RHOA: variants seen among roughly 807,000 people sequenced by gnomAD.
RHOA encodes transforming protein RhoA.
In RHOA, 3 loss-of-function variants were observed where a neutral mutation model predicts 17.5. The observed-to-expected ratio is 0.17, with a 90% confidence interval of 0.08 to 0.44. RHOA has a LOEUF of 0.44. RHOA is among the 20% of genes least tolerant of loss of function. The pLI is 0.99. For synonymous variants in RHOA, 98 were observed against 88.4 expected, an observed-to-expected ratio of 1.11 and a Z score of -0.61; for missense variants, 56 against 242.3, an observed-to-expected ratio of 0.23 and a Z score of 5.10.
rs1167928309 is a variant in RHOA at position 49,395,491 on chromosome 3, T to C, written c.-3+16329A>G. Among the ~76,000 whole-genome samples, 3 of 152,086 alleles carry C rather than the reference T, an allele frequency of 2.0e-5. No individual in the cohort carries two copies. The East Asian group carries it at 5.8e-4, about 29-fold the overall frequency. ...TTTGGGAGACTGAGAGGGGTGCAGA[T>C]CACCTGAGGTCAGGAGTTCAAGACC... On this transcript the variant is annotated intron_variant, in intron 1 of 4. Coordinates refer to ENST00000418115, the MANE Select transcript of RHOA (RefSeq NM_001664.4).
At chr3:49,400,055 C>CA (rs1223769980) in intron 1 of RHOA, among the ~76,000 whole-genome samples, 1 of 151,400 alleles carries the variant, frequency 6.6e-6, no homozygotes, top group East Asian at 1.9e-4. Flanking sequence ...ACTAAAAATA[C>CA]AAAAAAATTA....
intron 1 of RHOA, among the ~76,000 whole-genome samples, chr3:49,381,919 C>T (rs946654443): frequency 6.6e-6 from 1 of 151,524 alleles, no homozygotes; most frequent in African/African-American, 2.4e-5. Context: ...AGTGTGGCAA[C>T]TCATGCCTGT....
At chr3:49,366,144 A>AT (rs1308986097) in intron 3 of RHOA, among the ~76,000 whole-genome samples, 4 of 152,324 alleles carry the variant, frequency 2.6e-5, no homozygotes, top group African/African-American at 9.6e-5. Context: ...TAACGAGGGC[A>AT]AAGGCACACA....
chr3:49,389,601 A>G (rs2048461343), intron 1 of RHOA, among the ~76,000 whole-genome samples: 1 of 152,148 alleles, frequency 6.6e-6, no homozygotes, highest in South Asian at 2.1e-4. Context: ...CAGACTCAGG[A>G]GCTCTGTTCT....
At chr3:49,382,678 T>A (rs2048336484) in intron 1 of RHOA, among the ~76,000 whole-genome samples, 1 of 152,076 alleles carries the variant, frequency 6.6e-6, no homozygotes, top group South Asian at 2.1e-4. Flanking sequence ...TCATAAGGCC[T>A]AATCTGCATG....
chr3:49,366,136 AC>A (rs1399399456), intron 3 of RHOA, among the ~76,000 whole-genome samples: 1 of 152,166 alleles, frequency 6.6e-6, no homozygotes, highest in Non-Finnish European at 1.5e-5. Flanking sequence ...ACACTAGATA[AC>A]GAGGGCAAAG....
At chr3:49,390,291 C>T (rs533710581) in intron 1 of RHOA, among the ~76,000 whole-genome samples, 7 of 152,196 alleles carry the variant, frequency 4.6e-5, no homozygotes, top group East Asian at 1.9e-4. Context: ...CCCGCCACCA[C>T]GCCCAGCTAA....
At chr3:49,372,496 T>A (rs1330855275) in intron 2 of RHOA, among the ~76,000 whole-genome samples, 2 of 152,022 alleles carry the variant, frequency 1.3e-5, no homozygotes, top group Non-Finnish European at 2.9e-5. Flanking sequence ...ATCCCAGCAC[T>A]TTGGGAGGCA....
intron 1 of RHOA, among the ~76,000 whole-genome samples, chr3:49,380,837 CAATG>C (rs918672454): frequency 6.6e-6 from 1 of 151,306 alleles, no homozygotes; most frequent in Non-Finnish European, 1.5e-5. Flanking sequence ...CAAAAATAAA[CAATG>C]AAAACAAAAC....
At chr3:49,396,698 A>G (rs545234301) in intron 1 of RHOA, among the ~76,000 whole-genome samples, 1 of 152,108 alleles carries the variant, frequency 6.6e-6, no homozygotes, top group East Asian at 1.9e-4. Context: ...CAAGAGCAAA[A>G]CATCACACAC....
chr3:49,408,096 T>C (rs1428939510), intron 1 of RHOA, among the ~76,000 whole-genome samples: 1 of 151,876 alleles, frequency 6.6e-6, no homozygotes. Flanking sequence ...GAGGCGGCGG[T>C]TGCAGTGAGC....
At chr3:49,367,605 T>G (rs1194145049) in intron 3 of RHOA, among the ~76,000 whole-genome samples, 1 of 151,976 alleles carries the variant, frequency 6.6e-6, no homozygotes, top group Non-Finnish European at 1.5e-5. Context: ...CACTGCAACT[T>G]CTGCTTCCCA....
intron 1 of RHOA, among the ~76,000 whole-genome samples, chr3:49,388,703 G>C (rs2048443350): frequency 6.6e-6 from 1 of 152,072 alleles, no homozygotes; most frequent in Non-Finnish European, 1.5e-5. Flanking sequence ...CTGTTCAATG[G>C]GCCAGCCCAC....
At chr3:49,373,874 TA>T (rs1205670189) in intron 2 of RHOA, among the ~76,000 whole-genome samples, 28 of 139,162 alleles carry the variant, frequency 2.0e-4, no homozygotes, top group East Asian at 1.2e-3. Context: ...AGCAGAAGAT[TA>T]AAAAAAAAAA....
At chr3:49,371,843 G>A (rs927526791) in intron 2 of RHOA, among the ~76,000 whole-genome samples, 1 of 152,198 alleles carries the variant, frequency 6.6e-6, no homozygotes, top group African/African-American at 2.4e-5. Flanking sequence ...TTATGGGCAA[G>A]ATTCTGGTTG....
intron 1 of RHOA, among the ~76,000 whole-genome samples, chr3:49,388,316 T>C (rs1346487721): frequency 6.6e-6 from 1 of 152,134 alleles, no homozygotes; most frequent in Non-Finnish European, 1.5e-5. Context: ...GGTGGGATTA[T>C]AATAGGTGGA....
chr3:49,390,179 G>A (rs1025967702), intron 1 of RHOA, among the ~76,000 whole-genome samples: 3 of 151,452 alleles, frequency 2.0e-5, no homozygotes, highest in Non-Finnish European at 4.4e-5. Context: ...CTGTCACCCA[G>A]GCTGGAATGC....
At position 49,404,100 on chromosome 3, in the gene RHOA, G is replaced by A. The variant is rs1478627557; in HGVS notation, c.-3+7720C>T. 2.0e-5 allele frequency among the ~76,000 whole-genome samples: 3 copies of A among 151,500 alleles called. No homozygotes were observed. In the East Asian group the frequency reaches 5.8e-4, roughly 29 times the overall value. On this transcript the variant is annotated intron_variant, in intron 1 of 4. Transcript: ENST00000418115. ...GGACTGTTTGAGCCCAGGAGTCTGA[G>A]ACCCAACCTGGGCAAGACAGCAAGA... is the stretch of plus-strand genomic sequence containing the variant.
intron 1 of RHOA, among the ~76,000 whole-genome samples, chr3:49,408,942 GCCA>G (rs1455966847): frequency 6.6e-6 from 1 of 151,810 alleles, no homozygotes; most frequent in Non-Finnish European, 1.5e-5. Flanking sequence ...ACAGGCGCCC[GCCA>G]CCACACCCAG....
Sources: allele counts gnomAD v4.1 joint callset (sites outside exome capture counted in the v4.1 genomes callset), GRCh38; gene constraint gnomAD v4.1.1; transcripts MANE v1.5; gene names NCBI Gene and HGNC (gene_info 2026-07-23, HGNC 2026-07-21).